Variants in COBL observed in about 807,000 individuals in gnomAD.
COBL encodes the protein cordon-bleu WH2 repeat protein.
Under a neutral mutation model 98.8 loss-of-function variants are expected in COBL, and 51 were observed. The ratio of observed to expected loss-of-function variants is 0.52; its 90% confidence interval spans 0.41 to 0.65. The LOEUF is 0.65. COBL is among the 30% of genes least tolerant of loss of function. The probability of loss-of-function intolerance (pLI) is 0.00; values close to 1 mark genes in which losing one functional copy is unlikely to be tolerated. For synonymous variants in COBL, 634 were observed against 651.7 expected (o/e 0.97, Z 0.41); for missense variants, 1,617 against 1,617.5 (o/e 1.00, Z 0.01).
At chr7:51,141,626 T>G (rs1177429186) in intron 5 of COBL, among the ~76,000 whole-genome samples, 3 of 150,668 alleles carry the variant, frequency 2.0e-5, no homozygotes, top group Admixed American at 2.0e-4. Context: ...TTTGAAAGGC[T>G]TTACAACTTT....
intron 2 of COBL, among the ~76,000 whole-genome samples, chr7:51,207,936 G>T (rs1791931855): frequency 6.7e-6 from 1 of 148,436 alleles, no homozygotes; most frequent in African/African-American, 2.5e-5. Flanking sequence ...GCCCAGTCTG[G>T]AAAGTGAGGA....
At chr7:51,244,187 C>G (rs1282485869) in intron 1 of COBL, among the ~76,000 whole-genome samples, 3 of 152,162 alleles carry the variant, frequency 2.0e-5, no homozygotes, top group Non-Finnish European at 2.9e-5. Context: ...AGAACTGAGG[C>G]TGCAAACCAT....
At chr7:51,018,917 T>TAC (rs1786621475) in intron 12 of COBL, among the ~76,000 whole-genome samples, 1 of 16,564 alleles carries the variant, frequency 6.0e-5, no homozygotes, top group African/African-American at 2.1e-4. Context: ...TATATATATA[T>TAC]ATATATATAT....
chr7:51,246,775 CAG>C (rs1796305391), intron 1 of COBL, among the ~76,000 whole-genome samples: 1 of 152,202 alleles, frequency 6.6e-6, no homozygotes, highest in African/African-American at 2.4e-5. Context: ...AGACTTCTTC[CAG>C]AGTTTGGCAA....
chr7:51,238,168 A>C (rs990820070), intron 1 of COBL, among the ~76,000 whole-genome samples: 21 of 152,320 alleles, frequency 1.4e-4, no homozygotes, highest in African/African-American at 4.6e-4. Context: ...CAGGCCTTCC[A>C]CTGTACTGGT....
chr7:51,184,118 T>C lies in COBL; in HGVS notation c.767A>G (p.Lys256Arg). ...ATCCATTACCTTACTATTGCTTCTT[T>C]TATTAACTTTGAAAAATCCCAGAAA... The part of the protein sequence containing the change: ...KKFLGFFKVN[K>R]RSNSKGCLTT... The change falls in exon 5 of 13, where the codon AAA (lysine) becomes AGA (arginine). Residue 256 changes from lysine (K) to arginine (R), a missense_variant. Lys to Arg is a conservative substitution (Grantham distance 26). This residue lies in a region of COBL where 75 missense variants were observed against 120.5 expected (regional missense o/e 0.62). Transcript: ENST00000265136. 1 of 1,512,800 alleles carries C rather than the reference T, an allele frequency of 6.6e-7. No individual in the cohort carries two copies. Among genetic ancestry groups the C allele is most frequent in the Non-Finnish European group, 9.0e-7 (1 of 1,110,306 alleles). 93.7% of individuals were successfully genotyped at this position (1,512,800 alleles called of 1,614,324 possible).
chr7:51,178,800 G>A (rs1269920284), intron 5 of COBL, among the ~76,000 whole-genome samples: 1 of 152,080 alleles, frequency 6.6e-6, no homozygotes, highest in African/African-American at 2.4e-5. Context: ...GTAGAGACGG[G>A]GTTTCTCCAA....
At chr7:51,199,346 A>T (rs1477655257) in intron 2 of COBL, among the ~76,000 whole-genome samples, 2 of 152,200 alleles carry the variant, frequency 1.3e-5, no homozygotes, top group Non-Finnish European at 2.9e-5. Flanking sequence ...TGCCAAAACC[A>T]GTCTGTAAAG....
intron 2 of COBL, among the ~76,000 whole-genome samples, chr7:51,207,745 A>C (rs1477676585): frequency 4.6e-5 from 7 of 152,258 alleles, no homozygotes; most frequent in African/African-American, 1.7e-4. Context: ...AATGGTGCCC[A>C]GGCTGGAGTG....
chr7:51,064,246 C>G (rs1791670515), intron 7 of COBL, among the ~76,000 whole-genome samples: 1 of 151,616 alleles, frequency 6.6e-6, no homozygotes, highest in East Asian at 1.9e-4. Flanking sequence ...GACACAACCC[C>G]TATAGGTGCA....
At chr7:51,092,847 T>C (rs1794939065) in intron 6 of COBL, among the ~76,000 whole-genome samples, 1 of 152,256 alleles carries the variant, frequency 6.6e-6, no homozygotes, top group African/African-American at 2.4e-5. Context: ...TTGCATTAAA[T>C]GTGTAGGATC....
chr7:51,246,226 G>C (rs1005673145), intron 1 of COBL, among the ~76,000 whole-genome samples: 2 of 152,172 alleles, frequency 1.3e-5, no homozygotes, highest in Admixed American at 1.3e-4. Flanking sequence ...CTATGAAGAA[G>C]ATGGCATTTT....
intron 8 of COBL, 74 bp downstream of exon 8, chr7:51,043,309 A>G: frequency 6.9e-7 from 1 of 1,456,684 alleles, no homozygotes; most frequent in Non-Finnish European, 9.4e-7. Flanking sequence ...GTTGGATCCC[A>G]TGACAAAAGA....
Position 51,029,497 on chromosome 7 carries a change from G to A in COBL, c.1599C>T (p.His533=), listed in dbSNP as rs139586986. The change falls in exon 10 of 13, where the codon CAC becomes CAT. Residue 533 remains histidine (H), a synonymous_variant. Transcript: ENST00000265136. ...NHCPQDAMIP[H]GDTDAIPVTF... ...TTACTGGGATTGCATCTGTGTCGCCGTGAGGGATCATGGCATCCTGTGGGC... is the reference window on the plus strand; with the variant it reads ...TTACTGGGATTGCATCTGTGTCGCCATGAGGGATCATGGCATCCTGTGGGC... 440 of 1,614,088 alleles carry A rather than the reference G, an allele frequency of 2.7e-4. 2 individuals carry two copies. In the East Asian group the frequency reaches 8.9e-3, roughly 33 times the overall value.
chr7:51,165,911 G>A (rs1425715711), intron 5 of COBL, among the ~76,000 whole-genome samples: 1 of 151,726 alleles, frequency 6.6e-6, no homozygotes, highest in Admixed American at 6.6e-5. Flanking sequence ...AACCTTCTTG[G>A]AACAAATAAT....
At chr7:51,193,231 G>T (rs1790283362) in intron 3 of COBL, 148 bp downstream of exon 3, 3 of 649,806 alleles carry the variant, frequency 4.6e-6, no homozygotes, top group Admixed American at 2.9e-5. Flanking sequence ...AACAAACTCT[G>T]TTTAGTGCCT....
At chr7:51,090,003 T>G (rs1020138814) in intron 6 of COBL, among the ~76,000 whole-genome samples, 1 of 152,210 alleles carries the variant, frequency 6.6e-6, no homozygotes, top group African/African-American at 2.4e-5. Context: ...AATAACAAAT[T>G]AAACTTCTTA....
At chr7:51,167,802 G>A (rs1306151264) in intron 5 of COBL, among the ~76,000 whole-genome samples, 2 of 152,102 alleles carry the variant, frequency 1.3e-5, no homozygotes, top group East Asian at 3.9e-4. Flanking sequence ...CAACAAAGGT[G>A]CCAAGAACAT....
At chr7:51,245,353 C>T (rs1397489981) in intron 1 of COBL, among the ~76,000 whole-genome samples, 2 of 152,240 alleles carry the variant, frequency 1.3e-5, no homozygotes, top group Non-Finnish European at 2.9e-5. Flanking sequence ...TCCCTACCCA[C>T]TCCTGCTGAA....
Sources: allele counts gnomAD v4.1 joint callset (sites outside exome capture counted in the v4.1 genomes callset), GRCh38; gene constraint gnomAD v4.1.1; regional missense constraint gnomAD v4.1.1; transcripts MANE v1.5; gene names NCBI Gene and HGNC (gene_info 2026-07-23, HGNC 2026-07-21).